The following KAZN variants were observed in gnomAD, a reference collection of about 807,000 sequenced individuals.
The protein encoded by KAZN is kazrin.
Under a neutral mutation model 87.4 loss-of-function variants are expected in KAZN, and 40 were observed. The ratio of observed to expected loss-of-function variants is 0.46; its 90% CI spans 0.36 to 0.60. The LOEUF (loss-of-function observed/expected upper bound fraction) is 0.60, where lower values mean the gene tolerates loss of function less well. KAZN is among the 20% of genes least tolerant of loss of function. The pLI is 0.00. For synonymous variants in KAZN, 466 were observed against 458.3 expected (o/e 1.02, Z -0.22); for missense variants, 898 against 1,073.9 (o/e 0.84, Z 2.29).
chr1:14,638,254 C>A (rs1012687860), intron 1 of KAZN, among the ~76,000 whole-genome samples: 1 of 152,122 alleles, frequency 6.6e-6, no homozygotes, highest in East Asian at 1.9e-4. Context: ...CAACCCACAA[C>A]GTGTGTGCAC....
chr1:14,633,002 C>T (rs1376793000), intron 1 of KAZN, among the ~76,000 whole-genome samples: 2 of 152,034 alleles, frequency 1.3e-5, no homozygotes, highest in African/African-American at 2.4e-5. Context: ...CTGCAACTTC[C>T]GCCTCCCAGA....
chr1:14,502,957 T>C (rs1670341790), intron 2 of KAZN, among the ~76,000 whole-genome samples: 1 of 152,094 alleles, frequency 6.6e-6, no homozygotes, highest in African/African-American at 2.4e-5. Context: ...AAACCCACAA[T>C]CATTCTTCTC....
At chr1:14,645,415 A>T (rs1680738366) in intron 1 of KAZN, among the ~76,000 whole-genome samples, 1 of 152,188 alleles carries the variant, frequency 6.6e-6, no homozygotes. Context: ...TAATGATATT[A>T]ACTCTTCCTA....
chr1:14,349,254 G>A (rs959494365), intron 2 of KAZN: 2 of 152,228 alleles, frequency 1.3e-5, no homozygotes, highest in African/African-American at 4.8e-5. Flanking sequence ...GCCCTGCCTT[G>A]GAGGATGAGG....
intron 11 of KAZN, among the ~76,000 whole-genome samples, chr1:15,102,927 A>G (rs1422112421): frequency 1.3e-5 from 2 of 152,194 alleles, no homozygotes; most frequent in African/African-American, 4.8e-5. Flanking sequence ...CCAGTCTGCC[A>G]AGGAGGCACG....
At chr1:14,821,772 C>T (rs1281249358) in intron 1 of KAZN, among the ~76,000 whole-genome samples, 1 of 152,086 alleles carries the variant, frequency 6.6e-6, no homozygotes, top group East Asian at 1.9e-4. Context: ...ATTGTTTAAG[C>T]CCCCCAGTCA....
chr1:13,959,014 C>A (rs1442064601), intron 1 of KAZN, among the ~76,000 whole-genome samples: 2 of 152,138 alleles, frequency 1.3e-5, no homozygotes, highest in Admixed American at 1.3e-4. Flanking sequence ...GTGGTCTAGG[C>A]CCACCCACAG....
intron 2 of KAZN, among the ~76,000 whole-genome samples, chr1:14,999,446 T>C (rs1557701380): frequency 6.6e-6 from 1 of 151,708 alleles, no homozygotes; most frequent in Non-Finnish European, 1.5e-5. Context: ...TCATTCCTTT[T>C]CTCCCTTGCT....
rs112144143 is a variant in KAZN at position 14,014,767 on chromosome 1, T to C, written c.91+121011T>C. On this transcript the variant is annotated intron_variant, in intron 1 of 16. Coordinates refer to the KAZN transcript ENST00000636203. ...CATCTTGGAGAAAAGTCTGAGAGGG[T>C]GAGAAAGTGGAGCCCTGTTTAAAAT... is the stretch of plus-strand genomic sequence containing the variant. Among the ~76,000 whole-genome samples the C allele has an allele frequency of 4.3e-3, 660 of 152,182 alleles. 7 individuals are homozygous for C. The highest frequency in any genetic ancestry group is 0.015 in the African/African-American group (628 of 41,532).
At chr1:14,493,918 T>A (rs1397794402) in intron 2 of KAZN, among the ~76,000 whole-genome samples, 2 of 152,202 alleles carry the variant, frequency 1.3e-5, no homozygotes, top group Non-Finnish European at 2.9e-5. Context: ...CTCAGTCCCA[T>A]CTCCAGGTCA....
chr1:14,920,209 T>C (rs760689053), intron 1 of KAZN, among the ~76,000 whole-genome samples: 2 of 151,858 alleles, frequency 1.3e-5, no homozygotes, highest in African/African-American at 4.8e-5. Context: ...CTAAAGGATG[T>C]TCCTCTGGGA....
At chr1:14,475,497 G>A (rs570699628) in intron 2 of KAZN, among the ~76,000 whole-genome samples, 21 of 152,240 alleles carry the variant, frequency 1.4e-4, no homozygotes, top group African/African-American at 4.1e-4. Context: ...TTGTCTTTTC[G>A]TCAGTCTCTC....
chr1:13,957,345 G>C (rs1641585900), intron 1 of KAZN, among the ~76,000 whole-genome samples: 1 of 152,216 alleles, frequency 6.6e-6, no homozygotes, highest in African/African-American at 2.4e-5. Context: ...TTCTGGGACA[G>C]GGAGACAGGA....
chr1:14,022,592 ATAT>A (rs1419979302), intron 1 of KAZN, among the ~76,000 whole-genome samples: 1 of 151,666 alleles, frequency 6.6e-6, no homozygotes, highest in African/African-American at 2.4e-5. Context: ...CGTTTCTATA[ATAT>A]TGTTTTTGTA....
intron 2 of KAZN, among the ~76,000 whole-genome samples, chr1:14,340,622 T>C (rs551986399): frequency 6.6e-6 from 1 of 152,226 alleles, no homozygotes; most frequent in African/African-American, 2.4e-5. Flanking sequence ...TCTAATCTTA[T>C]ACAAGTTGTA....
At chr1:14,088,980 G>A (rs1266148506) in intron 1 of KAZN, among the ~76,000 whole-genome samples, 3 of 136,988 alleles carry the variant, frequency 2.2e-5, no homozygotes, top group Non-Finnish European at 4.7e-5. Flanking sequence ...ATTAGTGGTT[G>A]CATGCCTTAC....
At chr1:14,294,135 A>G (rs749741625) in intron 2 of KAZN, among the ~76,000 whole-genome samples, 1 of 152,184 alleles carries the variant, frequency 6.6e-6, no homozygotes, top group East Asian at 1.9e-4. Context: ...CACAAGTAGT[A>G]AGTGGCACAG....
chr1:14,505,058 C>A (rs1470255866), intron 2 of KAZN, among the ~76,000 whole-genome samples: 1 of 152,144 alleles, frequency 6.6e-6, no homozygotes, highest in Non-Finnish European at 1.5e-5. Context: ...CTTCCTCATC[C>A]CTTTTCTGCT....
chr1:15,080,474 G>T (rs900518863), intron 8 of KAZN, among the ~76,000 whole-genome samples: 1 of 152,010 alleles, frequency 6.6e-6, no homozygotes, highest in Non-Finnish European at 1.5e-5. Flanking sequence ...AGCCACAGTG[G>T]TGAGTGACTG....
Sources: allele counts gnomAD v4.1 joint callset (sites outside exome capture counted in the v4.1 genomes callset), GRCh38; gene constraint gnomAD v4.1.1; transcripts MANE v1.5; gene names NCBI Gene and HGNC (gene_info 2026-07-23, HGNC 2026-07-21).